The following SUPT3H variants were observed in gnomAD, a reference collection of about 807,000 sequenced individuals.
SUPT3H encodes the protein transcription initiation protein SPT3 homolog.
A neutral mutation model predicts 44.3 loss-of-function variants in SUPT3H; 44 were observed. The ratio of observed to expected loss-of-function variants is 0.99; its 90% CI spans 0.78 to 1.28. SUPT3H has a LOEUF of 1.28. Ranked by LOEUF, SUPT3H falls within the 50% of genes most tolerant of loss-of-function variation. The pLI is 0.00. For missense variants in SUPT3H, 380 were observed against 387.1 expected (o/e 0.98, Z 0.15); for synonymous variants, 124 against 125.6 (o/e 0.99, Z 0.09).
intron 6 of SUPT3H, among the ~76,000 whole-genome samples, chr6:44,991,250 T>G (rs1780578964): frequency 1.3e-5 from 2 of 152,102 alleles, no homozygotes; most frequent in Admixed American, 1.3e-4. Flanking sequence ...GAGTAAAAAT[T>G]TTCGGAATTT....
At chr6:45,256,909 G>C (rs1773504701) in intron 2 of SUPT3H, among the ~76,000 whole-genome samples, 1 of 152,164 alleles carries the variant, frequency 6.6e-6, no homozygotes, top group Admixed American at 6.5e-5. Context: ...TCAAGTACAA[G>C]TTTCTGTGCT....
At chr6:45,278,947 T>G (rs1282146312) in intron 2 of SUPT3H, among the ~76,000 whole-genome samples, 1 of 152,164 alleles carries the variant, frequency 6.6e-6, no homozygotes, top group Non-Finnish European at 1.5e-5. Context: ...ATGTAGAATT[T>G]TTTAAAACTA....
intron 6 of SUPT3H, among the ~76,000 whole-genome samples, chr6:44,976,959 AT>A (rs1185369030): frequency 6.6e-6 from 1 of 152,230 alleles, no homozygotes; most frequent in African/African-American, 2.4e-5. Context: ...CTGTTAAGAT[AT>A]TTGATGATGA....
intron 2 of SUPT3H, among the ~76,000 whole-genome samples, chr6:45,283,305 G>C (rs1449903112): frequency 6.6e-6 from 1 of 152,106 alleles, no homozygotes; most frequent in African/African-American, 2.4e-5. Context: ...TGGATAAAAA[G>C]TCAAGACCCA....
At chr6:45,337,567 A>G (rs1788844633) in intron 2 of SUPT3H, among the ~76,000 whole-genome samples, 1 of 151,804 alleles carries the variant, frequency 6.6e-6, no homozygotes, top group Non-Finnish European at 1.5e-5. Context: ...CCAGAAACTC[A>G]AGGGTACCTA....
intron 2 of SUPT3H, among the ~76,000 whole-genome samples, chr6:45,355,055 G>A (rs895500748): frequency 6.6e-6 from 1 of 151,774 alleles, no homozygotes; most frequent in African/African-American, 2.4e-5. Context: ...GGTCACTGCA[G>A]ACTCAACCAC....
intron 3 of SUPT3H, among the ~76,000 whole-genome samples, chr6:45,038,166 C>T (rs1413127536): frequency 6.6e-6 from 1 of 151,974 alleles, no homozygotes; most frequent in Admixed American, 6.6e-5. Flanking sequence ...TAAAAATATC[C>T]AGTTCATTTA....
At chr6:44,840,775 G>C (rs1031631515) in intron 10 of SUPT3H, among the ~76,000 whole-genome samples, 1 of 152,096 alleles carries the variant, frequency 6.6e-6, no homozygotes, top group Non-Finnish European at 1.5e-5. Context: ...ATTCAATCTA[G>C]GCCATTTTCA....
chr6:44,908,592 A>G (rs1766497718), intron 10 of SUPT3H, among the ~76,000 whole-genome samples: 1 of 152,172 alleles, frequency 6.6e-6, no homozygotes, highest in South Asian at 2.1e-4. Context: ...GAAAGTATTT[A>G]AGAGAACTGC....
chr6:45,209,015 T>A (rs1262611802), intron 2 of SUPT3H, among the ~76,000 whole-genome samples: 1 of 152,158 alleles, frequency 6.6e-6, no homozygotes, highest in African/African-American at 2.4e-5. Context: ...GTAAATGAAA[T>A]AACAAAGCCT....
chr6:44,908,398 AC>A (rs1271053475), intron 10 of SUPT3H, among the ~76,000 whole-genome samples: 10 of 151,890 alleles, frequency 6.6e-5, no homozygotes, highest in African/African-American at 2.4e-4. Flanking sequence ...TGATCCGCCC[AC>A]CTAGGACTCC....
chr6:45,286,685 G>C (rs1214136482), intron 2 of SUPT3H, among the ~76,000 whole-genome samples: 1 of 152,156 alleles, frequency 6.6e-6, no homozygotes, highest in Non-Finnish European at 1.5e-5. Flanking sequence ...TCAGTGTGGC[G>C]ATTCCTCAGG....
intron 10 of SUPT3H, among the ~76,000 whole-genome samples, chr6:44,900,758 T>A (rs1046622005): frequency 6.6e-6 from 1 of 152,126 alleles, no homozygotes; most frequent in Non-Finnish European, 1.5e-5. Flanking sequence ...GTAGCCTAAC[T>A]GGGAGGCACC....
At chr6:45,359,146 A>C (rs1318433892) in intron 2 of SUPT3H, among the ~76,000 whole-genome samples, 1 of 152,204 alleles carries the variant, frequency 6.6e-6, no homozygotes, top group East Asian at 1.9e-4. Flanking sequence ...GAGAATTGAT[A>C]GTAATATTTA....
At chr6:44,984,473 TA>T (rs1397643182) in intron 6 of SUPT3H, among the ~76,000 whole-genome samples, 1 of 152,168 alleles carries the variant, frequency 6.6e-6, no homozygotes, top group African/African-American at 2.4e-5. Context: ...GCTTAGAAGA[TA>T]CACATCCTTA....
chr6:45,192,702 A>G (rs1584167686), intron 2 of SUPT3H, among the ~76,000 whole-genome samples: 1 of 152,270 alleles, frequency 6.6e-6, no homozygotes, highest in East Asian at 1.9e-4. Flanking sequence ...GAATCAAAGC[A>G]AAGTGGTTAA....
chr6:44,944,351 GAA>G (rs1161808682), intron 9 of SUPT3H, among the ~76,000 whole-genome samples: 1 of 151,990 alleles, frequency 6.6e-6, no homozygotes, highest in African/African-American at 2.4e-5. Flanking sequence ...ACAGGAAAGA[GAA>G]ACAGATAAAC....
In SUPT3H at chr6:45,262,878, T is replaced by A. The variant is rs187773651; in HGVS notation, c.101+102323A>T. ...ACAACATACAAACAGCCAACAAATATATGAGAAAATGCTCAACATCACTAA... is the reference window on the plus strand; with the variant it reads ...ACAACATACAAACAGCCAACAAATAAATGAGAAAATGCTCAACATCACTAA... On this transcript the variant is annotated intron_variant, in intron 2 of 10. Coordinates refer to ENST00000371459, the MANE Select transcript of SUPT3H (RefSeq NM_003599.4). Among the ~76,000 whole-genome samples the A allele has an allele frequency of 1.5e-3, 234 of 152,060 alleles. 1 individual carries two copies. Among genetic ancestry groups the A allele is most frequent in the Non-Finnish European group, 2.8e-3 (191 of 67,966 alleles).
chr6:45,100,710 C>T (rs1361458700), intron 3 of SUPT3H, among the ~76,000 whole-genome samples: 1 of 151,826 alleles, frequency 6.6e-6, no homozygotes, highest in Non-Finnish European at 1.5e-5. Context: ...ATTAATAATA[C>T]CAAATGCTAG....
Sources: allele counts gnomAD v4.1 joint callset (sites outside exome capture counted in the v4.1 genomes callset), GRCh38; gene constraint gnomAD v4.1.1; transcripts MANE v1.5; gene names NCBI Gene and HGNC (gene_info 2026-07-23, HGNC 2026-07-21).